Variants in NACA observed in about 807,000 individuals in gnomAD.
The protein encoded by NACA is nascent polypeptide-associated complex subunit alpha.
In NACA, 42 loss-of-function variants were observed where a neutral mutation model predicts 86.4. The observed-to-expected ratio is 0.49, with a 90% CI of 0.38 to 0.63. The LOEUF is 0.63. Among genes scored for constraint, NACA ranks in the 20% least tolerant of loss-of-function variants. NACA has a pLI of 0.00. For synonymous variants in NACA, 898 were observed against 973.7 expected (o/e 0.92, Z 1.45); for missense variants, 2,157 against 2,483.6 (o/e 0.87, Z 2.80).
intron 1 of NACA, 61 bp from the exon 2 acceptor site, chr12:56,724,584 C>G (rs901439157): frequency 3.3e-6 from 5 of 1,524,888 alleles, no homozygotes; most frequent in Non-Finnish European, 4.5e-6. Flanking sequence ...TTGCCCAACC[C>G]GGAGATAAGT....
rs1327380880 is a variant in NACA, at chr12:56,718,859, C to G, written c.2671G>C (p.Val891Leu). ...CCCTCTTTGGGGAAGGGCAGATTCA[C>G]CACTGAAGGAGTGGGGGTCTCTTTG... ...PPKETPTPSV[V>L]NLPFPKEGPA... is the part of the protein sequence containing the mutation. The change falls in exon 3 of 9, where the codon GTG becomes CTG. Residue 891 changes from valine to leucine, a missense_variant. Val to Leu is a conservative substitution (Grantham distance 32). This residue lies in a region of NACA where 174 missense variants were observed against 217.0 expected (regional missense o/e 0.80). Coordinates refer to ENST00000454682, the MANE Select transcript of NACA (RefSeq NM_001365896.1). 7.0e-7 allele frequency: 1 copy of G among 1,421,350 alleles called. No homozygotes were observed. 88.0% of individuals were successfully genotyped at this position (1,421,350 alleles called of 1,614,324 possible). A position where few individuals can be genotyped will look rare whatever the true frequency, so the allele number is the denominator to read the frequency against.
Position 56,716,813 on chromosome 12 carries a change from T to TAGCTGGGGC in NACA, c.4708_4716dup (p.Ala1570_Ala1572dup), listed in dbSNP as rs1953382579. 7.8e-7 allele frequency: 1 copy of TAGCTGGGGC among 1,277,158 alleles called. No homozygotes were observed. Among genetic ancestry groups the TAGCTGGGGC allele is most frequent in the Non-Finnish European group, 1.0e-6 (1 of 994,186 alleles). The allele number at this position is 1,277,158 out of a possible 1,614,324, so 79.1% of individuals were successfully genotyped here. On this transcript the variant is annotated inframe_insertion, in exon 3 of 9. Coordinates refer to ENST00000454682, the MANE Select transcript of NACA (RefSeq NM_001365896.1). The stretch of plus-strand genomic sequence containing the variant: ...CTGGAGGCCTCTTTGGAGGATGGGG[T>TAGCTGGGGC]AGCTGGGGCTTCTTTGGGGGTTGGA...
At chr12:56,713,834 TTC>T (rs1565891624) in intron 5 of NACA, 151 bp from the exon 6 acceptor site, 12 of 781,342 alleles carry the variant, frequency 1.5e-5, no homozygotes, top group African/African-American at 3.5e-5. Context: ...CCGTAGTAAC[TTC>T]TGTTACTTTA....
intron 2 of NACA, among the ~76,000 whole-genome samples, chr12:56,724,136 G>C (rs545854602): frequency 6.6e-6 from 1 of 152,204 alleles, no homozygotes; most frequent in Non-Finnish European, 1.5e-5. Flanking sequence ...GTTCCAATAG[G>C]TAAGAATCAC....
chr12:56,717,093 TG>T lies in NACA; in HGVS notation c.4436del (p.Pro1479GlnfsTer30). 1.8e-6 allele frequency: 2 copies of T among 1,132,248 alleles called. No individual in the cohort carries two copies. Among genetic ancestry groups the T allele is most frequent in the South Asian group, 2.1e-5 (1 of 47,086 alleles). 70.1% of individuals were successfully genotyped at this position (1,132,248 alleles called of 1,614,324 possible). On this transcript the variant is annotated frameshift_variant, in exon 3 of 9. Coordinates refer to ENST00000454682, the MANE Select transcript of NACA (RefSeq NM_001365896.1). LOFTEE classifies it high-confidence loss of function. ...AVTPPSPKEP[P>X]APKQVATSSS... ...AAGAAGTGGCAACTTGTTTGGGGGC[TG>T]GGGGCTCCTTGGGGGAAGGAGGAGT...
rs753960029 is a variant in NACA, at chr12:56,719,883, T to G, written c.1647A>C (p.Ala549=). 1 of 1,613,938 alleles carries G rather than the reference T, an allele frequency of 6.2e-7. No individual in the cohort carries two copies. Among genetic ancestry groups the G allele is most frequent in the Non-Finnish European group, 8.5e-7 (1 of 1,179,864 alleles). The change falls in exon 3 of 9, where the codon GCA becomes GCC. Residue 549 remains alanine, a synonymous_variant. Transcript: ENST00000454682. The stretch of plus-strand genomic sequence containing the variant: ...TAGGGTCTTTCTTGGTGGTGAGTCC[T>G]GCTTGGGCTGGAGAGAAAGGGGCTC... The part of the protein sequence containing the change: ...LEGAPFSPAQ[A]GLTTKKDPTV...
intron 5 of NACA, 148 bp downstream of exon 5, chr12:56,714,214 C>T: frequency 1.4e-6 from 1 of 703,628 alleles, no homozygotes; most frequent in Non-Finnish European, 2.4e-6. Flanking sequence ...GCTTGGGTGA[C>T]AGGTGCACCA....
chr12:56,720,475 G>A lies in NACA; in HGVS notation c.1055C>T (p.Ser352Phe). 2 of 1,613,760 alleles carry A rather than the reference G, an allele frequency of 1.2e-6. No homozygotes were observed. The highest frequency in any genetic ancestry group is 1.7e-6 in the Non-Finnish European group (2 of 1,179,752). ...DHSSTGASYP[S>F]QRSVIPPLPS... is the part of the protein sequence containing the mutation. The stretch of plus-strand genomic sequence containing the variant: ...AAGGGGAGGAATTACAGATCTCTGA[G>A]AAGGATAAGAGGCCCCTGTGGAAGA... Residue 352 changes from serine to phenylalanine, a missense_variant, in exon 3 of 9, where the codon TCT becomes TTT. Ser to Phe is a radical substitution (Grantham distance 155). Coordinates refer to ENST00000454682, the MANE Select transcript of NACA (RefSeq NM_001365896.1).
Position 56,719,685 on chromosome 12 carries a change from G to C in NACA, c.1845C>G (p.Asn615Lys). Residue 615 changes from asparagine to lysine, a missense_variant, in exon 3 of 9, where the codon AAC becomes AAG. By Grantham distance (94) the Asn-to-Lys change is moderately conservative (BLOSUM62 0). Coordinates refer to ENST00000454682, the MANE Select transcript of NACA (RefSeq NM_001365896.1). ...CTGTCTTGATTACAGAGGCCGAGGAGTTAACACCCAGAGGGGAGGTCATAC... is the reference window on the plus strand; with the variant it reads ...CTGTCTTGATTACAGAGGCCGAGGACTTAACACCCAGAGGGGAGGTCATAC... ...ASSMTSPLGVNSSASVIKTDS... is the reference protein window; with the variant it reads ...ASSMTSPLGVKSSASVIKTDS... 6.2e-7 allele frequency: 1 copy of C among 1,613,858 alleles called. No homozygotes were observed.
chr12:56,718,961 T>A lies in NACA; in HGVS notation c.2569A>T (p.Thr857Ser), dbSNP rs372139516. 3.5e-6 allele frequency: 5 copies of A among 1,445,662 alleles called. No individual in the cohort carries two copies. In the African/African-American group the frequency reaches 7.0e-5, roughly 20 times the overall value. The allele number at this position is 1,445,662 out of a possible 1,614,324, so 89.6% of individuals were successfully genotyped here. A position where few individuals can be genotyped will look rare whatever the true frequency, so the allele number is the denominator to read the frequency against. The change falls in exon 3 of 9, where the codon ACT becomes TCT. Residue 857 changes from threonine (T) to serine (S), a missense_variant. Coordinates refer to ENST00000454682, the MANE Select transcript of NACA (RefSeq NM_001365896.1). ...GGGGCCCCTTTGGGGGATGGAGGAG[T>A]GGGAGAATGCGTCGTGGCTGGTGAG... ...KDSPATTHSP[T>S]PPSPKGAPTP...
chr12:56,721,669 C>T (rs1189236454), intron 2 of NACA, among the ~76,000 whole-genome samples: 7 of 152,204 alleles, frequency 4.6e-5, no homozygotes. Flanking sequence ...AGACATTCCC[C>T]TCCTAATTTC....
intron 5 of NACA, chr12:56,713,944 C>A: frequency 2.3e-6 from 1 of 435,904 alleles, no homozygotes. Flanking sequence ...CAGGTTCAAG[C>A]AATTGCCGTG....
chr12:56,720,567 T>C lies in NACA; in HGVS notation c.963A>G (p.Gln321=), dbSNP rs2137827219. 2 of 1,613,850 alleles carry C rather than the reference T, an allele frequency of 1.2e-6. No individual in the cohort carries two copies. Among genetic ancestry groups the C allele is most frequent in the East Asian group, 2.2e-5 (1 of 44,868 alleles). ...CACTAGGACCTGTTTGACCTAAAAG[T>C]TGGACAGAACCAAAAGAACTCTGAT... The part of the protein sequence containing the change: ...PLHQSSFGSV[Q]LLGQTGPSAL... The change falls in exon 3 of 9, where the codon CAA becomes CAG. Residue 321 remains glutamine (Q), a synonymous_variant. Coordinates refer to ENST00000454682, the MANE Select transcript of NACA (RefSeq NM_001365896.1).
rs575166407 is a variant in NACA at position 56,722,454 on chromosome 12, C to T, written c.71-995G>A. On this transcript the variant is annotated intron_variant, in intron 2 of 8. Coordinates refer to ENST00000454682, the MANE Select transcript of NACA (RefSeq NM_001365896.1). Reference sequence around the variant, plus strand: ...CCTGTAATCCCAGCACTTCGGGATGCCTGGGAGGGCGGATCACGAGGTCAG... The same window carrying T: ...CCTGTAATCCCAGCACTTCGGGATGTCTGGGAGGGCGGATCACGAGGTCAG... Among the ~76,000 whole-genome samples, 231 of 152,292 alleles carry T rather than the reference C, an allele frequency of 1.5e-3. 3 individuals carry two copies. The highest frequency in any genetic ancestry group is 0.014 in the Admixed American group (216 of 15,290).
At chr12:56,724,277 T>G (rs1286441572) in intron 2 of NACA, among the ~76,000 whole-genome samples, 175 bp downstream of exon 2, 1 of 152,164 alleles carries the variant, frequency 6.6e-6, no homozygotes, top group Admixed American at 6.6e-5. Context: ...AAAAATATTA[T>G]TTTTACTCCA....
In NACA at chr12:56,719,259, A is replaced by T. The variant is rs1195521225; in HGVS notation, c.2271T>A (p.Thr757=). ...AGGAAGCAACAGGTGCCAATGCTGA[A>T]GTATGAGAAATACCATCAACCTTTT... ...GTKKVDGISH[T]SALAPVASSP... The change falls in exon 3 of 9, where the codon ACT becomes ACA. Residue 757 remains threonine, a synonymous_variant. Transcript: ENST00000454682. The T allele has an allele frequency of 6.4e-7, 1 of 1,553,422 alleles. No individual in the cohort carries two copies. The highest frequency in any genetic ancestry group is 1.4e-5 in the African/African-American group (1 of 73,888).
intron 8 of NACA, 89 bp downstream of exon 8, chr12:56,712,697 T>C (rs923451652): frequency 1.2e-6 from 2 of 1,605,134 alleles, no homozygotes; most frequent in African/African-American, 2.7e-5. Flanking sequence ...TGAGGTTCCT[T>C]AATTGGCTGA....
Position 56,721,026 on chromosome 12 carries a change from C to T in NACA, c.504G>A (p.Glu168=). The T allele has an allele frequency of 6.2e-7, 1 of 1,613,962 alleles. No individual in the cohort carries two copies. Among genetic ancestry groups the T allele is most frequent in the Non-Finnish European group, 8.5e-7 (1 of 1,179,888 alleles). ...LTSPPSVAVA[E]SGSVITLSAP... ...CTGACAGAGTTATCACTGACCCTGACTCAGCTACAGCCACTGAAGGAGGTG... is the reference window on the plus strand; with the variant it reads ...CTGACAGAGTTATCACTGACCCTGATTCAGCTACAGCCACTGAAGGAGGTG... Residue 168 remains glutamate, a synonymous_variant, in exon 3 of 9, where the codon GAG becomes GAA. Coordinates refer to ENST00000454682, the MANE Select transcript of NACA (RefSeq NM_001365896.1).
In NACA at chr12:56,718,779, G is replaced by A. The variant is rs1332279094; in HGVS notation, c.2751C>T (p.Ser917=). Residue 917 remains serine, a synonymous_variant, in exon 3 of 9, where the codon TCC becomes TCT. Transcript: ENST00000454682. The part of the protein sequence containing the change: ...QAPALSMTSS[S]PKKARATPAP... ...CTGGAGTTGCTCGGGCCTTTTTGGG[G>A]GAGGAAGAAGTCATGGATAGAGCAG... is the stretch of plus-strand genomic sequence containing the variant. 1 of 1,446,150 alleles carries A rather than the reference G, an allele frequency of 6.9e-7. No homozygotes were observed. 89.6% of individuals were successfully genotyped at this position (1,446,150 alleles called of 1,614,324 possible). A position where few individuals can be genotyped will look rare whatever the true frequency, so the allele number is the denominator to read the frequency against.
Sources: gnomAD v4.1 joint callset for allele counts (sites outside exome capture counted in the v4.1 genomes callset) on GRCh38, gnomAD v4.1.1 for gene constraint, gnomAD v4.1.1 regional missense constraint, MANE v1.5 for transcripts, NCBI Gene and HGNC (gene_info 2026-07-23, HGNC 2026-07-21) for gene names.